Variants in TAFA5 observed in about 807,000 individuals in gnomAD.
TAFA5 encodes TAFA chemokine like family member 5.
Under a neutral mutation model 15.3 loss-of-function variants are expected in TAFA5, and 6 were observed. The ratio of observed to expected loss-of-function variants is 0.39; its 90% CI spans 0.21 to 0.77. The LOEUF is 0.77. Ranked by LOEUF, TAFA5 falls within the 30% of genes least tolerant of loss-of-function variation. The probability of loss-of-function intolerance (pLI) is 0.41; values close to 1 mark genes in which losing one functional copy is unlikely to be tolerated. For missense variants in TAFA5, 161 were observed against 193.1 expected, an observed-to-expected ratio of 0.83 and a Z score of 0.98; for synonymous variants, 103 against 80.7, an observed-to-expected ratio of 1.28 and a Z score of -1.48.
rs553970315 is a variant in TAFA5, at chr22:48,569,235, G to A, written c.113-77362G>A. 2.7e-4 allele frequency among the ~76,000 whole-genome samples: 41 copies of A among 152,356 alleles called. 1 individual carries two copies. In the South Asian group the frequency reaches 8.3e-3, roughly 31 times the overall value. ...CTCCGGGGAGGACGATGGATGCAGG[G>A]CCACGGGCCGTGGATACTCAGACTA... On this transcript the variant is annotated intron_variant, in intron 1 of 3. Transcript: ENST00000402357.
chr22:48,542,106 GGT>G (rs567200946), intron 1 of TAFA5, among the ~76,000 whole-genome samples: 1,234 of 43,076 alleles, frequency 0.029, 27 homozygotes, highest in African/African-American at 0.048. Flanking sequence ...ATGTGTGTGT[GGT>G]GTGTGTGTGT....
chr22:48,626,299 C>T (rs911850346), intron 1 of TAFA5, among the ~76,000 whole-genome samples: 3 of 152,156 alleles, frequency 2.0e-5, no homozygotes, highest in African/African-American at 7.2e-5. Context: ...TGCATTATAT[C>T]GGACCCCCGC....
At chr22:48,657,111 C>G (rs1470734114) in intron 2 of TAFA5, among the ~76,000 whole-genome samples, 1 of 152,042 alleles carries the variant, frequency 6.6e-6, no homozygotes, top group African/African-American at 2.4e-5. Flanking sequence ...TGACAAATCT[C>G]TAGCTAGGCT....
Position 48,489,725 on chromosome 22 carries a change from G to C in TAFA5, c.112+21G>C. The C allele has an allele frequency of 7.2e-7, 1 of 1,394,090 alleles. No homozygotes were observed. The highest frequency in any genetic ancestry group is 3.2e-5 in the East Asian group (1 of 31,598). 86.4% of individuals were successfully genotyped at this position (1,394,090 alleles called of 1,614,324 possible). On this transcript the variant is annotated intron_variant, in intron 1 of 3. Coordinates refer to ENST00000402357, the MANE Select transcript of TAFA5 (RefSeq NM_001082967.3). The surrounding 1 kb of genome is among the most constrained non-coding windows in gnomAD (Gnocchi z 5.5). ...CTGCAGTGAGTACCGCGCGGCCCCG[G>C]CCCCGGCACGGCCCTCTGGGCCCCG...
intron 2 of TAFA5, among the ~76,000 whole-genome samples, chr22:48,653,904 A>T (rs990228324): frequency 1.4e-5 from 2 of 141,412 alleles, no homozygotes; most frequent in Non-Finnish European, 3.1e-5. Flanking sequence ...TAAGTTGCTG[A>T]TTTTTGAGGT....
intron 3 of TAFA5, among the ~76,000 whole-genome samples, chr22:48,741,740 C>T (rs1056510098): frequency 1.4e-4 from 22 of 152,276 alleles, no homozygotes; most frequent in African/African-American, 4.8e-4. Context: ...CCAGCCTTGC[C>T]GCACCTGTGG....
intron 3 of TAFA5, among the ~76,000 whole-genome samples, chr22:48,709,632 C>T (rs117913332): frequency 0.028 from 4,230 of 152,312 alleles, 86 homozygotes; most frequent in Non-Finnish European, 0.043. Flanking sequence ...CTTTGATGAG[C>T]CCCTCCTCCT....
intron 2 of TAFA5, among the ~76,000 whole-genome samples, chr22:48,700,956 A>C (rs1479050140): frequency 6.6e-6 from 1 of 152,004 alleles, no homozygotes; most frequent in East Asian, 1.9e-4. Flanking sequence ...TGAGAACCCC[A>C]CTCAGCTGTC....
intron 3 of TAFA5, among the ~76,000 whole-genome samples, chr22:48,726,685 C>G (rs936569618): frequency 6.6e-6 from 1 of 151,642 alleles, no homozygotes; most frequent in Non-Finnish European, 1.5e-5. Flanking sequence ...CAGAAACAAT[C>G]CAGTCGTGGT....
intron 1 of TAFA5, among the ~76,000 whole-genome samples, chr22:48,529,068 C>T (rs907866900): frequency 6.6e-6 from 1 of 152,208 alleles, no homozygotes; most frequent in Non-Finnish European, 1.5e-5. Context: ...CCTAGCAGGG[C>T]AGTGACTGCT....
intron 2 of TAFA5, among the ~76,000 whole-genome samples, chr22:48,665,831 G>A (rs1037514625): frequency 6.6e-6 from 1 of 151,944 alleles, no homozygotes; most frequent in Non-Finnish European, 1.5e-5. Context: ...TCCCGAGAAC[G>A]CTAACGAACC....
At chr22:48,578,155 C>T (rs576763884) in intron 1 of TAFA5, among the ~76,000 whole-genome samples, 4 of 152,176 alleles carry the variant, frequency 2.6e-5, no homozygotes, top group Non-Finnish European at 4.4e-5. Flanking sequence ...GATTGGCTTG[C>T]GGAAAGGGCG....
intron 2 of TAFA5, among the ~76,000 whole-genome samples, chr22:48,667,060 C>T (rs1046798873): frequency 1.3e-5 from 2 of 150,162 alleles, no homozygotes; most frequent in Non-Finnish European, 3.0e-5. Context: ...GGGAGGAGGG[C>T]AAGTCGGGTG....
intron 1 of TAFA5, among the ~76,000 whole-genome samples, chr22:48,631,307 G>A (rs1319541799): frequency 6.6e-6 from 1 of 152,206 alleles, no homozygotes; most frequent in Non-Finnish European, 1.5e-5. Context: ...TCCCTGGTGG[G>A]CAGCCCCACC....
At chr22:48,685,271 C>T (rs1228976114) in intron 2 of TAFA5, among the ~76,000 whole-genome samples, 1 of 152,176 alleles carries the variant, frequency 6.6e-6, no homozygotes, top group East Asian at 1.9e-4. Context: ...TAGATGAATC[C>T]TGTAAGCAGC....
At chr22:48,737,132 C>T (rs1930052140) in intron 3 of TAFA5, among the ~76,000 whole-genome samples, 1 of 152,106 alleles carries the variant, frequency 6.6e-6, no homozygotes, top group Admixed American at 6.5e-5. Context: ...CTCTCCTGAC[C>T]TCTGTTGATG....
rs1363665839 is a variant in TAFA5 at position 48,698,701 on chromosome 22, G to T, written c.263-9016G>T. 1.6e-4 allele frequency among the ~76,000 whole-genome samples: 4 copies of T among 25,230 alleles called. 1 individual carries two copies. Among genetic ancestry groups the T allele is most frequent in the Admixed American group, 8.1e-4 (3 of 3,682 alleles). The allele number at this position is 25,230 out of a possible 152,430, so 16.6% of individuals were successfully genotyped here. ...ATTGAGGGTGCCTGGGGGTCAGGGG[G>T]AGGTCCTGCGAGCTTTTCTGGCCCT... On this transcript the variant is annotated intron_variant, in intron 2 of 3. Coordinates refer to ENST00000402357, the MANE Select transcript of TAFA5 (RefSeq NM_001082967.3).
At chr22:48,553,220 C>G (rs1922917019) in intron 1 of TAFA5, among the ~76,000 whole-genome samples, 3 of 152,174 alleles carry the variant, frequency 2.0e-5, no homozygotes, top group Admixed American at 2.0e-4. Context: ...TCCACAGGCC[C>G]CCCGCTCTGT....
At chr22:48,741,291 G>A (rs955288824) in intron 3 of TAFA5, among the ~76,000 whole-genome samples, 1 of 151,562 alleles carries the variant, frequency 6.6e-6, no homozygotes, top group South Asian at 2.1e-4. Context: ...CCTCACCCCT[G>A]GGTCCCTCCC....
Sources: allele counts gnomAD v4.1 joint callset (sites outside exome capture counted in the v4.1 genomes callset), GRCh38; gene constraint gnomAD v4.1.1; non-coding constraint Gnocchi (gnomAD v3.1); transcripts MANE v1.5; gene names NCBI Gene and HGNC (gene_info 2026-07-23, HGNC 2026-07-21).